Variants in PHF21B observed in about 807,000 individuals in gnomAD.
The protein encoded by PHF21B is PHD finger protein 21B.
PHF21B carries 22 observed loss-of-function variants against 62.2 expected under a neutral mutation model. That is an observed-to-expected ratio of 0.35 (90% CI 0.25 to 0.51). The LOEUF is 0.51. Among genes scored for constraint, PHF21B ranks in the 20% least tolerant of loss-of-function variants. The probability of loss-of-function intolerance (pLI) is 0.97; values close to 1 mark genes in which losing one functional copy is unlikely to be tolerated. For missense variants in PHF21B, 701 were observed against 707.9 expected (o/e 0.99, Z 0.11); for synonymous variants, 341 against 314.7 (o/e 1.08, Z -0.88).
chr22:45,003,835 G>A (rs919453246), intron 2 of PHF21B, among the ~76,000 whole-genome samples: 2 of 152,180 alleles, frequency 1.3e-5, no homozygotes, highest in African/African-American at 2.4e-5. Context: ...GTGCTGATAC[G>A]TGCTACAACT....
At chr22:44,959,858 G>C (rs1403756665) in intron 2 of PHF21B, among the ~76,000 whole-genome samples, 1 of 152,210 alleles carries the variant, frequency 6.6e-6, no homozygotes, top group East Asian at 1.9e-4. Context: ...TGCAAGCACA[G>C]GACCCAACCA....
chr22:44,967,387 A>AT (rs369022050), intron 2 of PHF21B, among the ~76,000 whole-genome samples: 3 of 151,616 alleles, frequency 2.0e-5, no homozygotes, highest in Non-Finnish European at 4.4e-5. Context: ...CACCTGGCTA[A>AT]TTTTTTTGTA....
chr22:44,933,845 G>A (rs538707341), intron 2 of PHF21B, among the ~76,000 whole-genome samples: 29 of 152,256 alleles, frequency 1.9e-4, no homozygotes, highest in Admixed American at 1.1e-3. Flanking sequence ...AGGGTTTTCC[G>A]GGCACAGTAA....
intron 2 of PHF21B, among the ~76,000 whole-genome samples, chr22:44,931,686 A>C (rs2071746120): frequency 6.6e-6 from 1 of 152,016 alleles, no homozygotes; most frequent in South Asian, 2.1e-4. Context: ...CCGTGACCAC[A>C]GGTGCATGTG....
chr22:44,995,827 C>CG (rs1569281443), intron 2 of PHF21B, among the ~76,000 whole-genome samples: 1 of 133,654 alleles, frequency 7.5e-6, no homozygotes, highest in Admixed American at 7.6e-5. Context: ...CCACGTGATT[C>CG]GGGGGAAAGA....
In PHF21B at chr22:44,950,053, G is replaced by A. The variant is rs571975732; in HGVS notation, c.121-29563C>T. Reference sequence around the variant, plus strand: ...ACCTGAGTAATGAAACCAGAAAGCCGTCCAGCCATGGCAGTCTCTCCGTCC... The same window carrying A: ...ACCTGAGTAATGAAACCAGAAAGCCATCCAGCCATGGCAGTCTCTCCGTCC... On this transcript the variant is annotated intron_variant, in intron 2 of 12. Transcript: ENST00000313237. Among the ~76,000 whole-genome samples, 9 of 152,284 alleles carry A rather than the reference G, an allele frequency of 5.9e-5. No individual in the cohort carries two copies. In the South Asian group the frequency reaches 1.5e-3, roughly 25 times the overall value.
At chr22:44,988,203 G>A (rs1162990956) in intron 2 of PHF21B, among the ~76,000 whole-genome samples, 5 of 152,254 alleles carry the variant, frequency 3.3e-5, no homozygotes, top group Non-Finnish European at 4.4e-5. Flanking sequence ...GCTCACCCAC[G>A]CCTGTAATCC....
rs535075059 is a variant in PHF21B, at chr22:44,903,604, T to C, written c.832-7521A>G. ...GTGGGATCAACTGGCTTCATTCTGA[T>C]AGACGTGTGTTCAAAACTGTGTTCT... On this transcript the variant is annotated intron_variant, in intron 5 of 12. Transcript: ENST00000313237. Among the ~76,000 whole-genome samples, 18 of 152,346 alleles carry C rather than the reference T, an allele frequency of 1.2e-4. No homozygotes were observed. The East Asian group carries it at 3.3e-3, about 28-fold the overall frequency.
intron 2 of PHF21B, among the ~76,000 whole-genome samples, chr22:44,945,941 C>T (rs1434684565): frequency 6.6e-6 from 1 of 152,168 alleles, no homozygotes; most frequent in Non-Finnish European, 1.5e-5. Flanking sequence ...GCTGTTCCTT[C>T]TGCCTGGGTC....
chr22:44,975,444 C>T (rs2072719141), intron 2 of PHF21B, among the ~76,000 whole-genome samples: 2 of 152,206 alleles, frequency 1.3e-5, no homozygotes, highest in African/African-American at 2.4e-5. Context: ...GAGCAGGCGT[C>T]CCTCTAGGCC....
At chr22:44,948,489 C>T (rs925655822) in intron 2 of PHF21B, among the ~76,000 whole-genome samples, 1 of 151,950 alleles carries the variant, frequency 6.6e-6, no homozygotes, top group African/African-American at 2.4e-5. Context: ...TGAGACTAGC[C>T]TAGCCAACAC....
At chr22:44,965,905 C>A (rs966026741) in intron 2 of PHF21B, among the ~76,000 whole-genome samples, 3 of 152,196 alleles carry the variant, frequency 2.0e-5, no homozygotes, top group African/African-American at 7.2e-5. Context: ...AAGCTGCACA[C>A]CCCCTGCTCC....
rs2073379257 is a variant in PHF21B, at chr22:45,009,085, G to A, written c.54+411C>T. On this transcript the variant is annotated intron_variant, in intron 1 of 12. Transcript: ENST00000313237. This position sits in a 1 kb window ranked among gnomAD's most constrained non-coding sequence, Gnocchi z 5.9. The stretch of plus-strand genomic sequence containing the variant: ...CGCCACGCCGCCGCTCGCCAGCAGC[G>A]ATCGCCAAAACTACTTCTGCACACC... 4 of 1,091,802 alleles carry A rather than the reference G, an allele frequency of 3.7e-6. No homozygotes were observed. Among genetic ancestry groups the A allele is most frequent in the Admixed American group, 4.8e-5 (1 of 20,806 alleles). 67.6% of individuals were successfully genotyped at this position (1,091,802 alleles called of 1,614,324 possible).
chr22:44,886,140 G>T (rs2070853193), intron 10 of PHF21B, among the ~76,000 whole-genome samples: 1 of 152,058 alleles, frequency 6.6e-6, no homozygotes, highest in African/African-American at 2.4e-5. Flanking sequence ...AACATTCTGG[G>T]CCTCTCCCCT....
intron 5 of PHF21B, among the ~76,000 whole-genome samples, chr22:44,897,089 G>C (rs759853535): frequency 4.6e-5 from 7 of 151,894 alleles, no homozygotes; most frequent in African/African-American, 1.7e-4. Flanking sequence ...ATGTTGCCCA[G>C]GCTGGTCTTG....
chr22:45,005,658 C>T (rs1473796436), intron 2 of PHF21B, among the ~76,000 whole-genome samples: 3 of 152,198 alleles, frequency 2.0e-5, no homozygotes, highest in African/African-American at 7.2e-5. Context: ...TGGCGTACTG[C>T]TAACAGACCT....
In PHF21B at chr22:44,883,262, C is replaced by T. The variant is rs1259458175; in HGVS notation, c.1420G>A (p.Gly474Ser). The T allele has an allele frequency of 1.9e-6, 3 of 1,613,786 alleles. No homozygotes were observed. Among genetic ancestry groups the T allele is most frequent in the Non-Finnish European group, 1.7e-6 (2 of 1,179,956 alleles). ...LKTSLLARQRGTQSSLDRLRA... is the reference protein window; with the variant it reads ...LKTSLLARQRSTQSSLDRLRA... Reference sequence around the variant, plus strand: ...AGGCGGTCCAGGGATGACTGGGTGCCCCTCTGGCGGGCCAGCAGGCTTGTC... The same window carrying T: ...AGGCGGTCCAGGGATGACTGGGTGCTCCTCTGGCGGGCCAGCAGGCTTGTC... Residue 474 changes from glycine (G) to serine (S), a missense_variant, in exon 13 of 13, where the codon GGC becomes AGC. Physicochemically the swap from Gly to Ser is moderately conservative, Grantham distance 56. Coordinates refer to ENST00000313237, the MANE Select transcript of PHF21B (RefSeq NM_138415.5).
chr22:44,920,867 C>A (rs5766192), intron 2 of PHF21B, among the ~76,000 whole-genome samples: 28,168 of 152,188 alleles, frequency 0.19, 3,419 homozygotes, highest in East Asian at 0.61. Flanking sequence ...ATGGGATCTT[C>A]CATTCAGCAG....
intron 2 of PHF21B, among the ~76,000 whole-genome samples, chr22:44,945,469 C>T (rs2072048930): frequency 6.6e-6 from 1 of 152,198 alleles, no homozygotes; most frequent in South Asian, 2.1e-4. Flanking sequence ...GTGCTTTCTG[C>T]AGAATCACCT....
Sources: allele counts gnomAD v4.1 joint callset (sites outside exome capture counted in the v4.1 genomes callset), GRCh38; gene constraint gnomAD v4.1.1; non-coding constraint Gnocchi (gnomAD v3.1); transcripts MANE v1.5; gene names NCBI Gene and HGNC (gene_info 2026-07-23, HGNC 2026-07-21).